The following KCNMB3 variants were observed in gnomAD, a reference collection of about 807,000 sequenced individuals.
KCNMB3 encodes potassium calcium-activated channel subfamily M regulatory beta subunit 3.
In KCNMB3, 18 loss-of-function variants were observed where a neutral mutation model predicts 11.9. The ratio of observed to expected loss-of-function variants is 1.51; its 90% confidence interval spans 1.04 to 2.23. The LOEUF (loss-of-function observed/expected upper bound fraction) is 2.23. Among genes scored for constraint, KCNMB3 ranks in the 30% most tolerant of loss-of-function variants. The pLI is 0.00. For synonymous variants in KCNMB3, 78 were observed against 119.2 expected (o/e 0.65, Z 2.25); for missense variants, 247 against 329.4 (o/e 0.75, Z 1.94).
intron 1 of KCNMB3, among the ~76,000 whole-genome samples, chr3:179,265,603 C>A (rs1039449611): frequency 6.6e-6 from 1 of 152,054 alleles, no homozygotes; most frequent in Non-Finnish European, 1.5e-5. Flanking sequence ...ATTACAGGCG[C>A]GCCACCACCA....
chr3:179,264,110 T>C (rs1726307001), intron 1 of KCNMB3, among the ~76,000 whole-genome samples: 1 of 152,150 alleles, frequency 6.6e-6, no homozygotes, highest in Admixed American at 6.5e-5. Context: ...CTGGCCTATA[T>C]TGTTTTAAAC....
downstream of KCNMB3, chr3:179,240,730 G>A (rs1725433827): frequency 6.6e-6 from 1 of 152,012 alleles, no homozygotes; most frequent in Non-Finnish European, 1.5e-5. Flanking sequence ...ATGGAAAACT[G>A]TGGTAATTGA....
chr3:179,258,180 C>G (rs1726084727), intron 1 of KCNMB3, among the ~76,000 whole-genome samples: 2 of 152,298 alleles, frequency 1.3e-5, no homozygotes, highest in South Asian at 2.1e-4. Flanking sequence ...GCCACCACAC[C>G]CGGCCAAAAA....
At chr3:179,260,756 A>C in intron 1 of KCNMB3, 4 of 1,434,974 alleles carry the variant, frequency 2.8e-6, no homozygotes, top group Non-Finnish European at 9.8e-7. Flanking sequence ...AAACTGCAGT[A>C]TACTGTGGGC....
chr3:179,250,000 A>C (rs1381739742), intron 1 of KCNMB3, among the ~76,000 whole-genome samples: 1 of 152,176 alleles, frequency 6.6e-6, no homozygotes, highest in African/African-American at 2.4e-5. Flanking sequence ...CTTTGTAACA[A>C]ACCTGCACAT....
Position 179,249,667 on chromosome 3 carries a change from G to A in KCNMB3, c.248+1076C>T, listed in dbSNP as rs985915824. Among the ~76,000 whole-genome samples the A allele has an allele frequency of 1.3e-4, 20 of 152,272 alleles. No individual in the cohort carries two copies. The East Asian group carries it at 1.4e-3, about 10-fold the overall frequency. On this transcript the variant is annotated intron_variant, in intron 1 of 2. Transcript: ENST00000392685. ...CAGCCTGGCGACAGAGCAAGACTCC[G>A]TCTCAGAAAAAAGAAAAGGAAAGAA... is the stretch of plus-strand genomic sequence containing the variant.
intron 1 of KCNMB3, chr3:179,260,613 G>C: frequency 1.4e-6 from 2 of 1,417,160 alleles, no homozygotes; most frequent in South Asian, 1.2e-5. Context: ...ATCTTGGTAG[G>C]ATCTTGGTAT....
intron 1 of KCNMB3, 90 bp downstream of exon 1, chr3:179,250,653 G>A: frequency 7.5e-7 from 1 of 1,326,284 alleles, no homozygotes; most frequent in South Asian, 1.3e-5. Context: ...GTCACAGATT[G>A]AGAAACCAAA....
chr3:179,251,631 A>G, upstream of KCNMB3: 1 of 1,260,854 alleles, frequency 7.9e-7, no homozygotes, highest in Non-Finnish European at 1.0e-6. Flanking sequence ...TCTGGTGAAC[A>G]GAAGAGTCCA....
intron 1 of KCNMB3, chr3:179,260,241 G>T (rs1338092709): frequency 1.9e-6 from 3 of 1,613,782 alleles, no homozygotes; most frequent in African/African-American, 1.3e-5. Context: ...GGGAGTTCTG[G>T]TCCTGTCATC....
In KCNMB3 at chr3:179,250,969, G is replaced by A. The variant is rs1416568996; in HGVS notation, c.22C>T (p.Leu8Phe). 6.2e-7 allele frequency: 1 copy of A among 1,614,148 alleles called. No individual in the cohort carries two copies. Among genetic ancestry groups the A allele is most frequent in the African/African-American group, 1.3e-5 (1 of 75,042 alleles). Residue 8 changes from leucine (L) to phenylalanine (F), a missense_variant, in exon 1 of 3, where the codon CTC becomes TTC. This residue lies in a region of KCNMB3 where 160 missense variants were observed against 157.5 expected (regional missense o/e 1.02). Transcript: ENST00000392685. MFPLLYE[L>F]TAVSPSPFPQ... ...AAGGGAGAAGGAGATACTGCAGTGA[G>A]CTCATAAAGAAGGGGGAACATTTCC...
chr3:179,242,180 A>C (rs556384519), downstream of KCNMB3: 1 of 152,520 alleles, frequency 6.6e-6, no homozygotes, highest in South Asian at 2.1e-4. Context: ...AAATCACCTG[A>C]GGTCAGGAGC....
In KCNMB3 at chr3:179,250,980, AG is replaced by A. The variant is rs769361904; in HGVS notation, c.10del (p.Leu4PhefsTer36). 17 of 1,614,180 alleles carry A rather than the reference AG, an allele frequency of 1.1e-5. No homozygotes were observed. The African/African-American group carries it at 2.0e-4, about 19-fold the overall frequency. ...AGATACTGCAGTGAGCTCATAAAGA[AG>A]GGGGAACATTTCCAATCCATGGGGA... MFP[L>X]LYELTAVSPS... On this transcript the variant is annotated frameshift_variant, in exon 1 of 3. Transcript: ENST00000392685. LOFTEE classifies it high-confidence loss of function.
intron 1 of KCNMB3, among the ~76,000 whole-genome samples, chr3:179,263,049 C>T (rs1285217592): frequency 6.6e-6 from 1 of 152,242 alleles, no homozygotes; most frequent in Non-Finnish European, 1.5e-5. Flanking sequence ...TGTGCGTGTG[C>T]CCGCACTCCT....
Position 179,251,096 on chromosome 3 carries a change from A to G in KCNMB3, c.-106T>C, listed in dbSNP as rs1725828682. 2 of 1,614,098 alleles carry G rather than the reference A, an allele frequency of 1.2e-6. No individual in the cohort carries two copies. The highest frequency in any genetic ancestry group is 1.3e-5 in the African/African-American group (1 of 74,946). ...AAATCCCAGTTCAGAGCTTGGTGAA[A>G]AGTCCATCTAAATAAGCTAAAGTGA... On this transcript the variant is annotated 5_prime_UTR_variant, in exon 1 of 3. Transcript: ENST00000392685.
downstream of KCNMB3, chr3:179,242,710 A>G: frequency 1.0e-6 from 1 of 973,910 alleles, no homozygotes; most frequent in Non-Finnish European, 1.4e-6. Flanking sequence ...TGGGATTAGA[A>G]AAGATGGTGA....
At chr3:179,253,406 T>C (rs908528805), upstream of KCNMB3, among the ~76,000 whole-genome samples, 5 of 152,236 alleles carry the variant, frequency 3.3e-5, no homozygotes, top group Admixed American at 3.3e-4. Context: ...CTGCCCACTT[T>C]GTTCCAAGGC....
chr3:179,266,577 A>T, intron 1 of KCNMB3: 3 of 1,565,464 alleles, frequency 1.9e-6, no homozygotes, highest in Non-Finnish European at 2.6e-6. Context: ...CAAGCTCGAG[A>T]TGTCCCCTCT....
At chr3:179,263,803 T>TC (rs1298775595) in intron 1 of KCNMB3, among the ~76,000 whole-genome samples, 2 of 123,056 alleles carry the variant, frequency 1.6e-5, no homozygotes, top group Admixed American at 1.6e-4. Flanking sequence ...TTCTTTTCTT[T>TC]TTTTTTTTTT....
Sources: gnomAD v4.1 joint callset for allele counts (sites outside exome capture counted in the v4.1 genomes callset) on GRCh38, gnomAD v4.1.1 for gene constraint, gnomAD v4.1.1 regional missense constraint, MANE v1.5 for transcripts, NCBI Gene and HGNC (gene_info 2026-07-23, HGNC 2026-07-21) for gene names.